The following ASMTL variants were observed in gnomAD, a reference collection of about 807,000 sequenced individuals.
ASMTL encodes acetylserotonin O-methyltransferase like.
A neutral mutation model predicts 60.3 loss-of-function variants in ASMTL; 57 were observed. That is an observed-to-expected ratio of 0.95 (90% CI 0.76 to 1.18). ASMTL has a LOEUF of 1.18. ASMTL is among the 50% of genes most tolerant of loss of function. The probability of loss-of-function intolerance (pLI) is 0.00; values close to 1 mark genes in which losing one functional copy is unlikely to be tolerated. For synonymous variants in ASMTL, 419 were observed against 373.0 expected (o/e 1.12, Z -1.42); for missense variants, 981 against 852.6 (o/e 1.15, Z -1.88).
In ASMTL at chrX:1,435,449, G is replaced by A. The variant is rs1374742232; in HGVS notation, c.338+245C>T. 5.2e-5 allele frequency: 32 copies of A among 613,260 alleles called. No individual in the cohort carries two copies. In the South Asian group the frequency reaches 6.3e-4, roughly 12 times the overall value. The allele number at this position is 613,260 out of a possible 1,614,324, so 38.0% of individuals were successfully genotyped here. A position where few individuals can be genotyped will look rare whatever the true frequency, so the allele number is the denominator to read the frequency against. ...GGACAGGACACTGCCAACTTCTCAT[G>A]ACCCCAACAGTCTGCAGTGGGCATG... On this transcript the variant is annotated intron_variant, in intron 4 of 12. Transcript: ENST00000381317.
rs1467557318 is a variant in ASMTL at position 1,414,424 on chromosome X, CTT to C, written c.1523-1572_1523-1571del. Among the ~76,000 whole-genome samples the C allele has an allele frequency of 4.6e-5, 7 of 152,264 alleles. No homozygotes were observed. The South Asian group carries it at 8.3e-4, about 18-fold the overall frequency. ...CTCTTTCAGGGCTCATGATTTTAAA[CTT>C]TAGCATTTCCGGCCGGGCGGGGTGT... On this transcript the variant is annotated intron_variant, in intron 11 of 12. Transcript: ENST00000381317.
intron 1 of ASMTL, among the ~76,000 whole-genome samples, chrX:1,443,350 A>G (rs868592716): frequency 0.013 from 573 of 44,194 alleles, 62 homozygotes; most frequent in African/African-American, 0.024. Context: ...TTGGACAGAC[A>G]CCGCCATCTT....
At chrX:1,441,300 G>C (rs763064763) in intron 2 of ASMTL, among the ~76,000 whole-genome samples, 1 of 151,874 alleles carries the variant, frequency 6.6e-6, no homozygotes, top group African/African-American at 2.4e-5. Context: ...TTTTGGAGAC[G>C]AAGTCTTGCT....
intron 3 of ASMTL, among the ~76,000 whole-genome samples, chrX:1,437,895 CAA>C (rs111281481): frequency 3.5e-4 from 44 of 126,244 alleles, no homozygotes; most frequent in African/African-American, 4.3e-4. Flanking sequence ...GACTCCATCT[CAA>C]AAAAAAAAAA....
intron 11 of ASMTL, among the ~76,000 whole-genome samples, chrX:1,415,817 C>G (rs1286512792): frequency 1.3e-5 from 2 of 152,172 alleles, no homozygotes; most frequent in African/African-American, 2.4e-5. Context: ...CGCAGAGAGA[C>G]ACGCACAGGC....
At chrX:1,440,858 T>C (rs1360666611) in intron 2 of ASMTL, among the ~76,000 whole-genome samples, 3 of 152,172 alleles carry the variant, frequency 2.0e-5, no homozygotes, top group South Asian at 2.1e-4. Context: ...ATTGTCATAG[T>C]ATATTACATA....
chrX:1,438,699 A>C (rs1238370103), intron 3 of ASMTL, among the ~76,000 whole-genome samples: 4 of 152,164 alleles, frequency 2.6e-5, no homozygotes, highest in African/African-American at 9.7e-5. Flanking sequence ...GAATTAATGT[A>C]GCTTATCTGT....
At chrX:1,415,214 T>TCTAGGCGTGAGCCTGGGCACGTGGC (rs1556655718) in intron 11 of ASMTL, among the ~76,000 whole-genome samples, 1 of 151,808 alleles carries the variant, frequency 6.6e-6, no homozygotes, top group Non-Finnish European at 1.5e-5. Flanking sequence ...GGGCTGGGAT[T>TCTAGGCGTGAGCCTGGGCACGTGGC]CCAGGCGTCT....
Position 1,432,374 on chromosome X carries a change from T to C in ASMTL, c.404A>G (p.His135Arg), listed in dbSNP as rs377121115. ...VAIVHCSSKD[H>R]QLDTRVSEFY... is the part of the protein sequence containing the mutation. ...TTCCGAGACCCTGGTGTCCAGCTGA[T>C]GGTCTGCAAGGACACAGCCGTGGGG... The change falls in exon 6 of 13, where the codon CAT becomes CGT. Residue 135 changes from histidine to arginine, a missense_variant. Transcript: ENST00000381317. 7.3e-5 allele frequency: 117 copies of C among 1,612,086 alleles called. No individual in the cohort carries two copies. The African/African-American group carries it at 1.3e-3, about 18-fold the overall frequency.
rs1398857933 is a variant in ASMTL, at chrX:1,403,436, G to A, written c.1699C>T (p.Gln567Ter). The A allele has an allele frequency of 1.2e-6, 2 of 1,613,272 alleles. No homozygotes were observed. Among genetic ancestry groups the A allele is most frequent in the South Asian group, 1.1e-5 (1 of 91,082 alleles). ...TLLDEEKRVAQRALMQSLNML... is the reference protein window; with the variant it reads ...TLLDEEKRVA ...TTCAGTGACTGCATCAGGGCGCGCT[G>A]CGCCACCCTCTTCTCCTCATCCAGG... The change falls in exon 13 of 13, where the codon CAG (glutamine) becomes TAG (stop). Residue 567 changes from glutamine (Q) to a stop codon, truncating the protein, a stop_gained. Transcript: ENST00000381317. LOFTEE classifies it low-confidence loss of function (END_TRUNC).
chrX:1,446,661 G>A (rs1312050988), intron 1 of ASMTL, among the ~76,000 whole-genome samples: 4 of 151,896 alleles, frequency 2.6e-5, no homozygotes, highest in African/African-American at 4.8e-5. Flanking sequence ...CACCACGCCC[G>A]GCTAATTTTT....
intron 11 of ASMTL, among the ~76,000 whole-genome samples, chrX:1,413,356 G>C (rs1334897921): frequency 6.6e-6 from 1 of 150,582 alleles, no homozygotes; most frequent in South Asian, 2.1e-4. Context: ...GAAGGCAAGG[G>C]AGGAAAAAAG....
rs2091283445 is a variant in ASMTL, at chrX:1,448,619, A to G, written c.93+4129T>C. ...CACACGGCCATCTTGGATAAGCACCACCATCTTGGACACACACCGCCATCT... is the reference window on the plus strand; with the variant it reads ...CACACGGCCATCTTGGATAAGCACCGCCATCTTGGACACACACCGCCATCT... On this transcript the variant is annotated intron_variant, in intron 1 of 12. Coordinates refer to ENST00000381317, the MANE Select transcript of ASMTL (RefSeq NM_004192.4). 2.0e-5 allele frequency among the ~76,000 whole-genome samples: 3 copies of G among 150,820 alleles called. No homozygotes were observed. In the South Asian group the frequency reaches 6.3e-4, roughly 32 times the overall value.
At chrX:1,449,722 A>ACCATCACCAGTAACTATCCC (rs2091308883) in intron 1 of ASMTL, among the ~76,000 whole-genome samples, 2 of 49,044 alleles carry the variant, frequency 4.1e-5, no homozygotes, top group Non-Finnish European at 8.7e-5. Context: ...GTAACTATCC[A>ACCATCACCAGTAACTATCCC]CCATCACCAG....
intron 12 of ASMTL, among the ~76,000 whole-genome samples, chrX:1,406,735 G>GATGGTAGATGATGGGT (rs1207954208): frequency 6.6e-6 from 1 of 151,948 alleles, no homozygotes; most frequent in Admixed American, 6.6e-5. Flanking sequence ...TTAGTGAATA[G>GATGGTAGATGATGGGT]ATGGTAGATG....
In ASMTL at chrX:1,419,071, C is replaced by A. The variant is rs759210384; in HGVS notation, c.1289G>T (p.Arg430Leu). ...CAGCTTCGTCATGCCGTGCATGGCC[C>A]GCATGAACCTCAGCCGCGTCTCCGG... ...QSPETRLRFM[R>L]AMHGMTKLTA... Residue 430 changes from arginine to leucine, a missense_variant, in exon 10 of 13, where the codon CGG becomes CTG. Physicochemically the swap from Arg to Leu is moderately radical, Grantham distance 102. Coordinates refer to ENST00000381317, the MANE Select transcript of ASMTL (RefSeq NM_004192.4). The A allele has an allele frequency of 1.9e-6, 3 of 1,611,260 alleles. No homozygotes were observed. Among genetic ancestry groups the A allele is most frequent in the Non-Finnish European group, 1.7e-6 (2 of 1,179,552 alleles).
At chrX:1,447,170 T>C (rs2091245164) in intron 1 of ASMTL, among the ~76,000 whole-genome samples, 1 of 152,192 alleles carries the variant, frequency 6.6e-6, no homozygotes, top group African/African-American at 2.4e-5. Context: ...TGACCCGTAA[T>C]AACCACCTCC....
At chrX:1,404,721 G>C (rs1378249418) in intron 12 of ASMTL, among the ~76,000 whole-genome samples, 1 of 148,912 alleles carries the variant, frequency 6.7e-6, no homozygotes, top group Non-Finnish European at 1.5e-5. Context: ...TGGATGCATG[G>C]ATGAGATGGA....
At chrX:1,443,094 GGGACACACACCGTCGTCGT>G (rs1318869914) in intron 1 of ASMTL, among the ~76,000 whole-genome samples, 1 of 85,838 alleles carries the variant, frequency 1.2e-5, no homozygotes, top group Non-Finnish European at 2.7e-5. Context: ...ACTGCCATCT[GGGACACACACCGTCGTCGT>G]GGACACACAC....
Sources: gnomAD v4.1 joint callset for allele counts (sites outside exome capture counted in the v4.1 genomes callset) on GRCh38, gnomAD v4.1.1 for gene constraint, MANE v1.5 for transcripts, NCBI Gene and HGNC (gene_info 2026-07-23, HGNC 2026-07-21) for gene names.